Variants in MGAT4C observed in about 807,000 individuals in gnomAD.
The protein encoded by MGAT4C is MGAT4 family member C.
In MGAT4C, 19 loss-of-function variants were observed where a neutral mutation model predicts 40.1. That is an observed-to-expected ratio of 0.47 (90% confidence interval 0.33 to 0.70). The LOEUF (loss-of-function observed/expected upper bound fraction) is 0.70. MGAT4C is among the 30% of genes least tolerant of loss of function. The pLI is 0.02. For synonymous variants in MGAT4C, 181 were observed against 187.1 expected, an observed-to-expected ratio of 0.97 and a Z score of 0.27; for missense variants, 491 against 563.2, an observed-to-expected ratio of 0.87 and a Z score of 1.30.
Position 86,818,696 on chromosome 12 carries a change from G to A in MGAT4C, c.-262+19970C>T, listed in dbSNP as rs528929420. On this transcript the variant is annotated intron_variant, in intron 1 of 7. Coordinates refer to the MGAT4C transcript ENST00000548651. ...ATTTTGAAGCTTCTAAAGAAAAAAC[G>A]ACAATAGTACTTTTTTAAGAGCAAG... is the stretch of plus-strand genomic sequence containing the variant. Among the ~76,000 whole-genome samples, 31 of 151,208 alleles carry A rather than the reference G, an allele frequency of 2.1e-4. No homozygotes were observed. The Admixed American group carries it at 2.1e-3, about 10-fold the overall frequency.
At chr12:86,797,913 C>A (rs536383037) in intron 1 of MGAT4C, among the ~76,000 whole-genome samples, 1 of 151,924 alleles carries the variant, frequency 6.6e-6, no homozygotes, top group Non-Finnish European at 1.5e-5. Flanking sequence ...AATTCATATA[C>A]ATTTCTGTTT....
chr12:86,822,382 C>A (rs1055223471), intron 1 of MGAT4C, among the ~76,000 whole-genome samples: 3 of 151,006 alleles, frequency 2.0e-5, no homozygotes, highest in Non-Finnish European at 4.5e-5. Flanking sequence ...ATGAATTAAA[C>A]TCTAATCAAA....
chr12:86,124,606 G>T (rs757786203), intron 1 of MGAT4C, among the ~76,000 whole-genome samples: 9 of 151,696 alleles, frequency 5.9e-5, no homozygotes, highest in Non-Finnish European at 1.0e-4. Flanking sequence ...ATAAAATTTC[G>T]GCTGAAAATG....
At chr12:86,060,933 G>A (rs1893895556) in intron 1 of MGAT4C, among the ~76,000 whole-genome samples, 1 of 152,140 alleles carries the variant, frequency 6.6e-6, no homozygotes, top group Admixed American at 6.5e-5. Context: ...GAACATGTAG[G>A]GAGGAAGGAA....
chr12:86,603,315 A>G (rs1368505963), intron 2 of MGAT4C, among the ~76,000 whole-genome samples: 1 of 138,912 alleles, frequency 7.2e-6, no homozygotes, highest in South Asian at 2.1e-4. Flanking sequence ...ATTATATAGT[A>G]TATATATAAA....
At chr12:86,738,290 G>A (rs1951015471) in intron 1 of MGAT4C, among the ~76,000 whole-genome samples, 1 of 151,148 alleles carries the variant, frequency 6.6e-6, no homozygotes, top group South Asian at 2.1e-4. Context: ...AATGTTTTTA[G>A]TGAGGTATTC....
At chr12:86,729,777 T>C (rs1239376544) in intron 1 of MGAT4C, among the ~76,000 whole-genome samples, 3 of 152,078 alleles carry the variant, frequency 2.0e-5, no homozygotes, top group East Asian at 3.8e-4. Context: ...ATCTAAGAAA[T>C]CATTCCCCTA....
At chr12:86,178,047 G>A (rs945834903) in intron 1 of MGAT4C, among the ~76,000 whole-genome samples, 1 of 151,820 alleles carries the variant, frequency 6.6e-6, no homozygotes, top group African/African-American at 2.4e-5. Flanking sequence ...CACCATTCTC[G>A]TGCCTCAGCC....
At chr12:86,070,274 T>C (rs1239092041) in intron 1 of MGAT4C, among the ~76,000 whole-genome samples, 1 of 152,100 alleles carries the variant, frequency 6.6e-6, no homozygotes, top group Non-Finnish European at 1.5e-5. Flanking sequence ...TTCTTCTCTA[T>C]AGCATTTATC....
intron 2 of MGAT4C, among the ~76,000 whole-genome samples, chr12:86,445,331 G>A (rs1007162700): frequency 2.6e-5 from 4 of 152,138 alleles, no homozygotes; most frequent in African/African-American, 7.2e-5. Context: ...CCAATACCAT[G>A]TAAGAGAATA....
intron 1 of MGAT4C, among the ~76,000 whole-genome samples, chr12:86,251,026 T>C (rs1236994543): frequency 6.6e-6 from 1 of 151,692 alleles, no homozygotes; most frequent in African/African-American, 2.4e-5. Context: ...AGAGAGGCAA[T>C]AGTAATTGAA....
chr12:86,395,786 T>TG (rs987887232), intron 3 of MGAT4C, among the ~76,000 whole-genome samples: 2 of 152,176 alleles, frequency 1.3e-5, no homozygotes, highest in African/African-American at 4.8e-5. Context: ...ATCTATTTTT[T>TG]TGTGTGTGCT....
intron 2 of MGAT4C, among the ~76,000 whole-genome samples, chr12:86,639,728 GA>G (rs1159768828): frequency 1.3e-5 from 2 of 151,626 alleles, no homozygotes; most frequent in Non-Finnish European, 3.0e-5. Context: ...TAGGAATGGA[GA>G]AAATCATTTA....
rs182295913 is a variant in MGAT4C, at chr12:86,682,133, C to T, written c.-229+45076G>A. Among the ~76,000 whole-genome samples, 706 of 152,116 alleles carry T rather than the reference C, an allele frequency of 4.6e-3. 3 individuals are homozygous for T. The highest frequency in any genetic ancestry group is 8.0e-3 in the Non-Finnish European group (543 of 67,938). On this transcript the variant is annotated intron_variant, in intron 2 of 7. Transcript: ENST00000548651. ...ACAGAATGAAAAATCTTGATAGTTT[C>T]ATATATAGTTCTAACAATTCTGAAA...
chr12:86,711,610 G>T (rs1950557448), intron 2 of MGAT4C, among the ~76,000 whole-genome samples: 1 of 151,818 alleles, frequency 6.6e-6, no homozygotes, highest in Non-Finnish European at 1.5e-5. Flanking sequence ...AGTAGTATAA[G>T]ATCTCTATTA....
chr12:86,264,547 G>A (rs1017047695), intron 4 of MGAT4C, among the ~76,000 whole-genome samples: 2 of 152,142 alleles, frequency 1.3e-5, no homozygotes, highest in South Asian at 2.1e-4. Context: ...CCCCTTCCGA[G>A]TTAGCTGGGC....
intron 3 of MGAT4C, among the ~76,000 whole-genome samples, chr12:86,414,864 C>G (rs1956676487): frequency 6.6e-6 from 1 of 152,032 alleles, no homozygotes; most frequent in Non-Finnish European, 1.5e-5. Flanking sequence ...TGCTGCATTC[C>G]ATGTTATTAA....
chr12:86,439,002 G>C (rs1957183779), intron 2 of MGAT4C, among the ~76,000 whole-genome samples: 1 of 151,826 alleles, frequency 6.6e-6, no homozygotes, highest in African/African-American at 2.4e-5. Flanking sequence ...CCTATGAAAA[G>C]AGGCAAACAC....
rs113860997 is a variant in MGAT4C, at chr12:86,671,413, T to C, written c.-229+55796A>G. 4.4e-3 allele frequency among the ~76,000 whole-genome samples: 667 copies of C among 152,218 alleles called. 6 individuals carry two copies. The highest frequency in any genetic ancestry group is 0.016 in the African/African-American group (649 of 41,540). On this transcript the variant is annotated intron_variant, in intron 2 of 7. Transcript: ENST00000548651. ...AAAGGGAACCCCATGAAGTTTATAA[T>C]GAATTTCTCAGCAGAAATCTTACAT... is the stretch of plus-strand genomic sequence containing the variant.
Sources: gnomAD v4.1 joint callset for allele counts (sites outside exome capture counted in the v4.1 genomes callset) on GRCh38, gnomAD v4.1.1 for gene constraint, MANE v1.5 for transcripts, NCBI Gene and HGNC (gene_info 2026-07-23, HGNC 2026-07-21) for gene names.